The following ARHGEF6 variants were observed in gnomAD, a reference collection of about 807,000 sequenced individuals.
ARHGEF6 encodes the protein Rac/Cdc42 guanine nucleotide exchange factor 6.
Under a neutral mutation model 70.3 loss-of-function variants are expected in ARHGEF6, and 9 were observed. That is an observed-to-expected ratio of 0.13 (90% CI 0.08 to 0.22). The LOEUF (loss-of-function observed/expected upper bound fraction) is 0.22, where lower values mean the gene tolerates loss of function less well. ARHGEF6 is among the 10% of genes least tolerant of loss of function. ARHGEF6 has a pLI of 1.00. For synonymous variants in ARHGEF6, 201 were observed against 207.8 expected (o/e 0.97, Z 0.28); for missense variants, 470 against 563.0 (o/e 0.83, Z 1.67).
At chrX:136,724,546 A>G (rs1255087081) in intron 6 of ARHGEF6, among the ~76,000 whole-genome samples, 1 of 111,520 alleles carries the variant, frequency 9.0e-6, no homozygotes, top group Non-Finnish European at 1.9e-5. Context: ...GGAGGAGTGC[A>G]GTGGTGCTAT....
At chrX:136,737,492 T>C (rs1216520669) in intron 5 of ARHGEF6, 27 of 684,405 alleles carry the variant, frequency 3.9e-5, no homozygotes, top group Admixed American at 9.6e-5. Flanking sequence ...AGGGTTTCAC[T>C]ACATCACTTT....
intron 6 of ARHGEF6, among the ~76,000 whole-genome samples, chrX:136,718,556 T>C (rs1434527816): frequency 3.6e-5 from 4 of 111,869 alleles, no homozygotes; most frequent in Non-Finnish European, 7.6e-5. Flanking sequence ...TGAAAGTATA[T>C]TGATATATCT....
chrX:136,746,937 G>T lies in ARHGEF6; in HGVS notation c.334+571C>A, dbSNP rs960726537. On this transcript the variant is annotated intron_variant, in intron 3 of 21. Transcript: ENST00000250617. ...CTGTTGGTAAAATATACCAGGGAAGGAGTGAAGCTACATTCTAAGTGTATC... is the reference window on the plus strand; with the variant it reads ...CTGTTGGTAAAATATACCAGGGAAGTAGTGAAGCTACATTCTAAGTGTATC... Among the ~76,000 whole-genome samples the T allele has an allele frequency of 2.7e-5, 3 of 111,659 alleles. No individual in the cohort carries two copies. In the South Asian group the frequency reaches 1.1e-3, roughly 41 times the overall value.
At chrX:136,773,139 T>C (rs1165781658) in intron 2 of ARHGEF6, among the ~76,000 whole-genome samples, 2 of 111,502 alleles carry the variant, frequency 1.8e-5, no homozygotes, top group Non-Finnish European at 3.8e-5. Flanking sequence ...GTACTCAATT[T>C]GTCGGTACGG....
chrX:136,727,032 C>A (rs2076859725), intron 6 of ARHGEF6, among the ~76,000 whole-genome samples: 1 of 112,495 alleles, frequency 8.9e-6, no homozygotes, highest in African/African-American at 3.2e-5. Flanking sequence ...AGAATTTGCT[C>A]ATATGGCTCC....
chrX:136,762,017 C>A (rs749350419), intron 2 of ARHGEF6, among the ~76,000 whole-genome samples: 4 of 111,428 alleles, frequency 3.6e-5, no homozygotes, highest in African/African-American at 1.3e-4. Flanking sequence ...CGGGTTCAAG[C>A]GATTCTCCCA....
intron 4 of ARHGEF6, 77 bp downstream of exon 4, chrX:136,745,146 C>T (rs2077082862): frequency 8.7e-7 from 1 of 1,154,717 alleles, no homozygotes; most frequent in Non-Finnish European, 1.2e-6. Context: ...TGTCTCACCA[C>T]ATATGGAGAT....
chrX:136,707,173 C>T, intron 8 of ARHGEF6, 143 bp from the exon 9 acceptor site: 2 of 721,818 alleles, frequency 2.8e-6, no homozygotes, highest in South Asian at 2.6e-5. Flanking sequence ...AACCATTTTA[C>T]CCATGAAACT....
At chrX:136,693,176 A>T (rs1452564490) in intron 9 of ARHGEF6, among the ~76,000 whole-genome samples, 1 of 112,336 alleles carries the variant, frequency 8.9e-6, no homozygotes. Context: ...AATTAAAAGC[A>T]AATGCTAATG....
At chrX:136,772,258 C>T (rs1230141733) in intron 2 of ARHGEF6, among the ~76,000 whole-genome samples, 1 of 111,482 alleles carries the variant, frequency 9.0e-6, no homozygotes, top group Non-Finnish European at 1.9e-5. Context: ...TTACCAGAGG[C>T]TGAGAAGTAT....
chrX:136,754,110 C>T (rs1260104566), intron 2 of ARHGEF6, among the ~76,000 whole-genome samples: 1 of 111,824 alleles, frequency 8.9e-6, no homozygotes, highest in Non-Finnish European at 1.9e-5. Flanking sequence ...CTGACGGCTA[C>T]CTCAGCATCA....
Position 136,747,580 on chromosome X carries a change from C to G in ARHGEF6, c.262G>C (p.Asp88His), listed in dbSNP as rs149768069. 1.8e-4 allele frequency: 218 copies of G among 1,186,180 alleles called. No individual in the cohort carries two copies. Among genetic ancestry groups the G allele is most frequent in the Middle Eastern group, 1.6e-3 (7 of 4,281 alleles). The change falls in exon 3 of 22, where the codon GAT becomes CAT. Residue 88 changes from aspartate to histidine, a missense_variant. By Grantham distance (81) the Asp-to-His change is moderately conservative. Coordinates refer to ENST00000250617, the MANE Select transcript of ARHGEF6 (RefSeq NM_004840.3). ...ATLQVEIFDP[D>H]DLYSGVNFSK... ...AAATTGACCCCTGAATAAAGGTCAT[C>G]AGGATCAAATATCTATGAGAAAGGA... is the stretch of plus-strand genomic sequence containing the variant.
At chrX:136,747,891 G>A (rs970137863) in intron 2 of ARHGEF6, among the ~76,000 whole-genome samples, 1 of 109,851 alleles carries the variant, frequency 9.1e-6, no homozygotes, top group East Asian at 2.8e-4. Flanking sequence ...CCACTCTTCT[G>A]GCCTGAATGT....
At chrX:136,724,054 C>T (rs2076828072) in intron 6 of ARHGEF6, among the ~76,000 whole-genome samples, 1 of 109,585 alleles carries the variant, frequency 9.1e-6, no homozygotes. Flanking sequence ...TTTGTTCACA[C>T]TTCTCTTTTC....
Position 136,669,407 on chromosome X carries a change from G to A in ARHGEF6, c.2190+75C>T, listed in dbSNP as rs1360410633. The A allele has an allele frequency of 4.0e-6, 4 of 1,000,619 alleles. No homozygotes were observed. The African/African-American group carries it at 7.6e-5, about 19-fold the overall frequency. 82.5% of individuals were successfully genotyped at this position (1,000,619 alleles called of 1,213,427 possible). On this transcript the variant is annotated intron_variant, in intron 21 of 21. Transcript: ENST00000250617. ...GCTACCTTGCTCCTAGGCCTTCCCT[G>A]AAAGCATGAGCAGCGTGAGGCAAGA... is the stretch of plus-strand genomic sequence containing the variant.
rs765172120 is a variant in ARHGEF6, at chrX:136,691,059, C to CA, written c.1047-312dup. Among the ~76,000 whole-genome samples, 794 of 92,790 alleles carry CA rather than the reference C, an allele frequency of 8.6e-3. 4 individuals carry two copies. Among genetic ancestry groups the CA allele is most frequent in the African/African-American group, 0.022 (558 of 25,436 alleles). 80.6% of individuals were successfully genotyped at this position (92,790 alleles called of 115,157 possible). ...TCTCTGATGGGGCTACAGCAGTGAA[C>CA]AAAAAAAAAAAATCCCCACCCTTAA... On this transcript the variant is annotated intron_variant, in intron 9 of 21. Coordinates refer to ENST00000250617, the MANE Select transcript of ARHGEF6 (RefSeq NM_004840.3).
chrX:136,707,730 AGTGTGGGCCCTCTCCATC>A (rs769185196), intron 8 of ARHGEF6, among the ~76,000 whole-genome samples: 1 of 111,741 alleles, frequency 8.9e-6, no homozygotes, highest in Non-Finnish European at 1.9e-5. Context: ...AAGTCCCTTT[AGTGTGGGCCCTCTCCATC>A]GTTCTTCCTG....
At chrX:136,739,157 T>C (rs969213108) in intron 5 of ARHGEF6, among the ~76,000 whole-genome samples, 2 of 112,145 alleles carry the variant, frequency 1.8e-5, no homozygotes, top group African/African-American at 6.5e-5. Context: ...CACCCCACCA[T>C]CCACTCTTAC....
chrX:136,776,822 G>A (rs1287285757), intron 2 of ARHGEF6, among the ~76,000 whole-genome samples: 4 of 106,978 alleles, frequency 3.7e-5, no homozygotes, highest in African/African-American at 1.4e-4. Context: ...TCTGACAAAG[G>A]TCTAATATCC....
Sources: allele counts gnomAD v4.1 joint callset (sites outside exome capture counted in the v4.1 genomes callset), GRCh38; gene constraint gnomAD v4.1.1; transcripts MANE v1.5; gene names NCBI Gene and HGNC (gene_info 2026-07-23, HGNC 2026-07-21).